The following TM4SF20 variants were observed in gnomAD, a reference collection of about 807,000 sequenced individuals.
The protein encoded by TM4SF20 is transmembrane 4 L6 family member 20.
A neutral mutation model predicts 15.1 loss-of-function variants in TM4SF20; 13 were observed. The ratio of observed to expected loss-of-function variants is 0.86; its 90% CI spans 0.56 to 1.36. The LOEUF (loss-of-function observed/expected upper bound fraction) is 1.36, where lower values mean the gene tolerates loss of function less well. TM4SF20 is among the 40% of genes most tolerant of loss of function. The pLI is 0.00. For synonymous variants in TM4SF20, 92 were observed against 96.6 expected, an observed-to-expected ratio of 0.95 and a Z score of 0.28; for missense variants, 282 against 268.4, an observed-to-expected ratio of 1.05 and a Z score of -0.35.
Position 227,363,913 on chromosome 2 carries a change from C to T in TM4SF20, c.501G>A (p.Ala167=), listed in dbSNP as rs141014397. 1.1e-5 allele frequency: 18 copies of T among 1,614,010 alleles called. No individual in the cohort carries two copies. The African/African-American group carries it at 1.9e-4, about 17-fold the overall frequency. Residue 167 remains alanine, a synonymous_variant, in exon 4 of 4, where the codon GCG becomes GCA. Coordinates refer to ENST00000304568, the MANE Select transcript of TM4SF20 (RefSeq NM_024795.4). ...FNKPTSNDTM[A]SGWRASSFHF... is the part of the protein sequence containing the mutation. ...GGAAACTAGATGCTCTCCAGCCACTCGCCATGGTGTCGTTACTGGTGGGTT... is the reference window on the plus strand; with the variant it reads ...GGAAACTAGATGCTCTCCAGCCACTTGCCATGGTGTCGTTACTGGTGGGTT...
At chr2:227,370,260 C>T (rs138817214) in intron 2 of TM4SF20, among the ~76,000 whole-genome samples, 3 of 152,136 alleles carry the variant, frequency 2.0e-5, no homozygotes, top group African/African-American at 4.8e-5. Flanking sequence ...ATTTTATATA[C>T]GCCACAAAAA....
chr2:227,378,870 T>A (rs1043679270), intron 1 of TM4SF20, among the ~76,000 whole-genome samples: 4 of 152,206 alleles, frequency 2.6e-5, no homozygotes, highest in African/African-American at 4.8e-5. Context: ...CTAATTAATT[T>A]ATTTTTTTGC....
chr2:227,369,953 C>T (rs555997983), intron 2 of TM4SF20, among the ~76,000 whole-genome samples: 77 of 152,278 alleles, frequency 5.1e-4, no homozygotes, highest in African/African-American at 1.7e-3. Context: ...TTTCTCTGAG[C>T]GTCCATTCCT....
chr2:227,366,284 T>C (rs1223820975), intron 2 of TM4SF20, 40 bp from the exon 3 acceptor site: 1 of 1,587,254 alleles, frequency 6.3e-7, no homozygotes, highest in Non-Finnish European at 8.6e-7. Context: ...TGTTATGACA[T>C]GTTCTTGATC....
At chr2:227,368,670 T>C (rs1210672906) in intron 2 of TM4SF20, among the ~76,000 whole-genome samples, 1 of 152,186 alleles carries the variant, frequency 6.6e-6, no homozygotes, top group Non-Finnish European at 1.5e-5. Flanking sequence ...CCAGCCATAT[T>C]ATCTTTGAGT....
At chr2:227,375,974 G>A (rs71431036) in intron 1 of TM4SF20, among the ~76,000 whole-genome samples, 8,213 of 152,082 alleles carry the variant, frequency 0.054, 315 homozygotes, top group Non-Finnish European at 0.071. Flanking sequence ...AAAAATACTC[G>A]AACAAATAAC....
At chr2:227,371,638 G>A (rs2076421741) in intron 1 of TM4SF20, among the ~76,000 whole-genome samples, 1 of 152,174 alleles carries the variant, frequency 6.6e-6, no homozygotes, top group Non-Finnish European at 1.5e-5. Context: ...CGATTTCCCA[G>A]AAATTGTATG....
At chr2:227,369,740 C>A (rs1329816224) in intron 2 of TM4SF20, among the ~76,000 whole-genome samples, 1 of 152,210 alleles carries the variant, frequency 6.6e-6, no homozygotes, top group Admixed American at 6.5e-5. Flanking sequence ...CATCTGAGAA[C>A]CATTGCTCTG....
intron 2 of TM4SF20, among the ~76,000 whole-genome samples, chr2:227,369,456 T>A (rs1185492168): frequency 1.3e-5 from 2 of 149,686 alleles, no homozygotes; most frequent in African/African-American, 2.5e-5. Flanking sequence ...GAGAGAGTCT[T>A]ACTCATCTGT....
chr2:227,363,792 T>G lies in TM4SF20; in HGVS notation c.622A>C (p.Ser208Arg). 1.4e-5 allele frequency: 22 copies of G among 1,614,198 alleles called. No individual in the cohort carries two copies. The highest frequency in any genetic ancestry group is 1.9e-5 in the Non-Finnish European group (22 of 1,180,032). Reference protein sequence around the residue: ...VGILEVLFGLSQIVIGFLGCL... With the variant: ...VGILEVLFGLRQIVIGFLGCL... ...CCAAGGAAACCGATGACTATCTGACTGAGCCCAAACAGGACCTCCAGAATT... is the reference window on the plus strand; with the variant it reads ...CCAAGGAAACCGATGACTATCTGACGGAGCCCAAACAGGACCTCCAGAATT... Residue 208 changes from serine to arginine, a missense_variant, in exon 4 of 4, where the codon AGT becomes CGT. Transcript: ENST00000304568.
At chr2:227,375,634 A>C (rs12476340) in intron 1 of TM4SF20, among the ~76,000 whole-genome samples, 1 of 150,640 alleles carries the variant, frequency 6.6e-6, no homozygotes, top group African/African-American at 2.4e-5. Flanking sequence ...GGACAACAGG[A>C]GCCCACCACC....
Position 227,363,568 on chromosome 2 carries a change from C to T in TM4SF20, c.*156G>A. On this transcript the variant is annotated 3_prime_UTR_variant, in exon 4 of 4. Coordinates refer to ENST00000304568, the MANE Select transcript of TM4SF20 (RefSeq NM_024795.4). ...CTAATTGAAAATTCTCTCCACCTTT[C>T]CCAAATCAACCACTGATATGAGAGT... 1.3e-6 allele frequency: 1 copy of T among 747,504 alleles called. No homozygotes were observed. The highest frequency in any genetic ancestry group is 1.9e-5 in the South Asian group (1 of 52,266). The allele number at this position is 747,504 out of a possible 1,614,324, so 46.3% of individuals were successfully genotyped here.
At chr2:227,377,079 T>C (rs2076454800) in intron 1 of TM4SF20, among the ~76,000 whole-genome samples, 1 of 152,192 alleles carries the variant, frequency 6.6e-6, no homozygotes, top group Non-Finnish European at 1.5e-5. Flanking sequence ...ACAGGAGATG[T>C]AGGTATGTGT....
At chr2:227,373,618 C>CCATAG (rs2076431600) in intron 1 of TM4SF20, among the ~76,000 whole-genome samples, 1 of 152,034 alleles carries the variant, frequency 6.6e-6, no homozygotes, top group Admixed American at 6.6e-5. Context: ...TACTTTTGTG[C>CCATAG]ACCAAGAGTA....
At chr2:227,369,619 G>A (rs1196708162) in intron 2 of TM4SF20, among the ~76,000 whole-genome samples, 4 of 151,878 alleles carry the variant, frequency 2.6e-5, no homozygotes, top group African/African-American at 9.7e-5. Flanking sequence ...AGTAGAGACG[G>A]GGTTTCACCA....
At chr2:227,376,842 C>A (rs1305839569) in intron 1 of TM4SF20, among the ~76,000 whole-genome samples, 1 of 152,202 alleles carries the variant, frequency 6.6e-6, no homozygotes, top group Non-Finnish European at 1.5e-5. Flanking sequence ...CATTAGGTGA[C>A]CTTGTTAACA....
chr2:227,369,934 ATTAT>A (rs2076412427), intron 2 of TM4SF20, among the ~76,000 whole-genome samples: 1 of 152,136 alleles, frequency 6.6e-6, no homozygotes, highest in African/African-American at 2.4e-5. Context: ...ACACTGGCAA[ATTAT>A]TTACTTTCTC....
At chr2:227,379,497 T>C, upstream of TM4SF20, 1 of 440,394 alleles carries the variant, frequency 2.3e-6, no homozygotes, top group East Asian at 3.5e-5. Context: ...AAAAAATCTA[T>C]GAGATAAATT....
In TM4SF20 at chr2:227,362,187, A is replaced by G. The variant is rs1217383626; in HGVS notation, c.*1537T>C. 1.3e-5 allele frequency: 2 copies of G among 152,234 alleles called. No individual in the cohort carries two copies. Among genetic ancestry groups the G allele is most frequent in the Admixed American group, 6.5e-5 (1 of 15,288 alleles). The allele number at this position is 152,234 out of a possible 1,614,324, so 9.4% of individuals were successfully genotyped here. On this transcript the variant is annotated 3_prime_UTR_variant, in exon 4 of 4. Transcript: ENST00000304568. The stretch of plus-strand genomic sequence containing the variant: ...ATTTTTAGCTTTGCTGTTTTACAAC[A>G]TTTTAATGTGATAAATACCCTTGTT...
Sources: gnomAD v4.1 joint callset for allele counts (sites outside exome capture counted in the v4.1 genomes callset) on GRCh38, gnomAD v4.1.1 for gene constraint, MANE v1.5 for transcripts, NCBI Gene and HGNC (gene_info 2026-07-23, HGNC 2026-07-21) for gene names.